Variants in NRXN2 observed in about 807,000 individuals in gnomAD.
NRXN2 encodes the protein neurexin-2-beta.
In NRXN2, 29 loss-of-function variants were observed where a neutral mutation model predicts 128.8. The observed-to-expected ratio is 0.23, with a 90% CI of 0.17 to 0.31. The LOEUF (loss-of-function observed/expected upper bound fraction) is 0.31, where lower values mean the gene tolerates loss of function less well. Ranked by LOEUF, NRXN2 falls within the 10% of genes least tolerant of loss-of-function variation. The pLI is 1.00. For missense variants in NRXN2, 1,881 were observed against 2,452.6 expected (o/e 0.77, Z 4.92); for synonymous variants, 1,098 against 1,075.2 (o/e 1.02, Z -0.41).
rs1203207509 is a variant in NRXN2, at chr11:64,635,073, G to A, written c.3585+198C>T. Among the ~76,000 whole-genome samples the A allele has an allele frequency of 6.6e-6, 1 of 152,202 alleles. No homozygotes were observed. Among genetic ancestry groups the A allele is most frequent in the African/African-American group, 2.4e-5 (1 of 41,444 alleles). On this transcript the variant is annotated intron_variant, in intron 18 of 22. Transcript: ENST00000265459. This position sits in a 1 kb window ranked among gnomAD's most constrained non-coding sequence, Gnocchi z 4.8. ...ATCAGATGGGAGGGTGGATCTGGGA[G>A]TCTTGGTGAATAACTGAGAGAGGGA...
At chr11:64,626,262 T>G (rs144211078) in intron 20 of NRXN2, among the ~76,000 whole-genome samples, 1 of 151,860 alleles carries the variant, frequency 6.6e-6, no homozygotes, top group East Asian at 1.9e-4. Flanking sequence ...AAAACCCCAC[T>G]CCTACCCCAA....
chr11:64,688,444 T>G (rs1407725269), intron 5 of NRXN2: 1 of 984,738 alleles, frequency 1.0e-6, no homozygotes, highest in Non-Finnish European at 1.2e-6. Context: ...AGAACCTGAG[T>G]AGGGGAGGTC....
At chr11:64,659,174 A>G (rs1054329323) in intron 11 of NRXN2, among the ~76,000 whole-genome samples, 2 of 152,164 alleles carry the variant, frequency 1.3e-5, no homozygotes, top group Admixed American at 6.5e-5. Context: ...CTACACCTTT[A>G]TAAGCTTCTA....
intron 19 of NRXN2, among the ~76,000 whole-genome samples, chr11:64,629,795 T>C (rs1042015672): frequency 1.3e-5 from 2 of 152,188 alleles, no homozygotes; most frequent in African/African-American, 4.8e-5. Flanking sequence ...TTGTCACTTG[T>C]CTCTTCCTCC....
At chr11:64,695,064 A>T (rs1394715189) in intron 3 of NRXN2, among the ~76,000 whole-genome samples, 1 of 152,146 alleles carries the variant, frequency 6.6e-6, no homozygotes, top group Non-Finnish European at 1.5e-5. Flanking sequence ...ATCTTGGTGA[A>T]GGGGAGGCTG....
At chr11:64,689,406 A>G (rs1260468415) in intron 5 of NRXN2, among the ~76,000 whole-genome samples, 1 of 152,066 alleles carries the variant, frequency 6.6e-6, no homozygotes, top group Non-Finnish European at 1.5e-5. Flanking sequence ...AAGAGTCTGC[A>G]CTTTTCATGT....
intron 2 of NRXN2, among the ~76,000 whole-genome samples, chr11:64,701,347 C>T (rs2055325330): frequency 6.6e-6 from 1 of 152,228 alleles, no homozygotes; most frequent in Admixed American, 6.5e-5. Flanking sequence ...CAACTTCTTC[C>T]TGTTTCTATA....
At chr11:64,680,340 C>T (rs191037801) in intron 6 of NRXN2, among the ~76,000 whole-genome samples, 1 of 152,322 alleles carries the variant, frequency 6.6e-6, no homozygotes, top group African/African-American at 2.4e-5. Context: ...GAGGAACCCA[C>T]TCCACTTGCA....
chr11:64,653,651 C>G (rs371940699), intron 12 of NRXN2, 45 bp downstream of exon 12: 1 of 1,567,742 alleles, frequency 6.4e-7, no homozygotes, highest in African/African-American at 1.3e-5. Context: ...CGTCCAGCAT[C>G]CCAGTCCCCT....
intron 9 of NRXN2, among the ~76,000 whole-genome samples, chr11:64,665,208 G>T (rs1243605603): frequency 6.6e-6 from 1 of 151,530 alleles, no homozygotes; most frequent in Non-Finnish European, 1.5e-5. Flanking sequence ...TTGAACCCGG[G>T]AGGCAAAGGT....
rs775752006 is a variant in NRXN2, at chr11:64,651,379, C to T, written c.2794G>A (p.Ala932Thr). 36 of 1,614,032 alleles carry T rather than the reference C, an allele frequency of 2.2e-5. No individual in the cohort carries two copies. The highest frequency in any genetic ancestry group is 5.3e-5 in the African/African-American group (4 of 74,922). ...FKSRSSYLAL[A>T]TLQAYASMHL... ...ATGGAAGCATAGGCTTGGAGCGTGGCGAGTGCCAGGTAGCTGCTGCGACTC... is the reference window on the plus strand; with the variant it reads ...ATGGAAGCATAGGCTTGGAGCGTGGTGAGTGCCAGGTAGCTGCTGCGACTC... Residue 932 changes from alanine (A) to threonine (T), a missense_variant, in exon 14 of 23, where the codon GCC becomes ACC. Physicochemically the swap from Ala to Thr is moderately conservative, Grantham distance 58 (BLOSUM62 0). Around this residue, in one of 7 missense-constraint regions of NRXN2, gnomAD observed 390 missense variants for 599.6 expected, o/e 0.65. Coordinates refer to ENST00000265459, the MANE Select transcript of NRXN2 (RefSeq NM_015080.4). This position sits in a 1 kb window ranked among gnomAD's most constrained non-coding sequence, Gnocchi z 5.9.
rs1355455298 is a variant in NRXN2 at position 64,690,442 on chromosome 11, C to T, written c.813G>A (p.Gly271=). 1.7e-5 allele frequency: 27 copies of T among 1,613,460 alleles called. No individual in the cohort carries two copies. The highest frequency in any genetic ancestry group is 4.0e-5 in the African/African-American group (3 of 74,874). Residue 271 remains glycine (G), a synonymous_variant, in exon 5 of 23, where the codon GGG becomes GGA. Coordinates refer to ENST00000265459, the MANE Select transcript of NRXN2 (RefSeq NM_015080.4). ...GSLLFSEGGA[G]RGGAGDVHQP... is the part of the protein sequence containing the mutation. The stretch of plus-strand genomic sequence containing the variant: ...GGTGCACATCGCCGGCTCCTCCTCT[C>T]CCGGCCCCCCCCTCGGAGAACAGTA...
At chr11:64,649,561 T>G (rs997934397) in intron 15 of NRXN2, among the ~76,000 whole-genome samples, 2 of 151,936 alleles carry the variant, frequency 1.3e-5, no homozygotes, top group African/African-American at 4.8e-5. Context: ...ACCCCCGGGG[T>G]TTGGGGCCAC....
Position 64,667,297 on chromosome 11 carries a change from T to A in NRXN2, c.1751A>T (p.Asn584Ile). ...IKLRASSRKVNDGEWCHVDFQ... is the reference protein window; with the variant it reads ...IKLRASSRKVIDGEWCHVDFQ... ...GTCCACGTGACACCACTCGCCATCA[T>A]TGACCTTGCGGCTGGATGCCCGCAG... Residue 584 changes from asparagine (N) to isoleucine (I), a missense_variant, in exon 9 of 23, where the codon AAT (asparagine) becomes ATT (isoleucine). This residue lies in a region of NRXN2 where 997 missense variants were observed against 1,240.8 expected (regional missense o/e 0.80). Coordinates refer to ENST00000265459, the MANE Select transcript of NRXN2 (RefSeq NM_015080.4). The surrounding 1 kb of genome is among the most constrained non-coding windows in gnomAD (Gnocchi z 5.6). 3 of 1,614,254 alleles carry A rather than the reference T, an allele frequency of 1.9e-6. No homozygotes were observed. Among genetic ancestry groups the A allele is most frequent in the African/African-American group, 1.3e-5 (1 of 75,062 alleles).
In NRXN2 at chr11:64,630,510, T is replaced by G; in HGVS notation, c.3649A>C (p.Asn1217His). 1.2e-6 allele frequency: 2 copies of G among 1,614,118 alleles called. No homozygotes were observed. Among genetic ancestry groups the G allele is most frequent in the Non-Finnish European group, 8.5e-7 (1 of 1,180,032 alleles). The part of the protein sequence containing the change: ...GTDDITIDEP[N>H]AIVSDGKYHV... ...TATTTGCCGTCGCTTACTATGGCGT[T>G]GGGCTCGTCGATGGTAATGTCGTCC... The change falls in exon 19 of 23, where the codon AAC becomes CAC. Residue 1217 changes from asparagine (N) to histidine (H), a missense_variant. Asn to His is a moderately conservative substitution (Grantham distance 68). Coordinates refer to ENST00000265459, the MANE Select transcript of NRXN2 (RefSeq NM_015080.4). This position sits in a 1 kb window ranked among gnomAD's most constrained non-coding sequence, Gnocchi z 4.6.
Position 64,651,467 on chromosome 11 carries a change from G to C in NRXN2, c.2706C>G (p.Thr902=). 6.2e-7 allele frequency: 1 copy of C among 1,614,196 alleles called. No homozygotes were observed. The highest frequency in any genetic ancestry group is 8.5e-7 in the Non-Finnish European group (1 of 1,180,026). Reference sequence around the variant, plus strand: ...CAAAGCGAGCATTGAGCTCACAGTAGGTGATGTCACCATCCTTGCACTGGT... The same window carrying C: ...CAAAGCGAGCATTGAGCTCACAGTACGTGATGTCACCATCCTTGCACTGGT... The part of the protein sequence containing the change: ...YMDQCKDGDI[T]YCELNARFGL... Residue 902 remains threonine (T), a synonymous_variant, in exon 14 of 23, where the codon ACC becomes ACG. Coordinates refer to ENST00000265459, the MANE Select transcript of NRXN2 (RefSeq NM_015080.4). This position sits in a 1 kb window ranked among gnomAD's most constrained non-coding sequence, Gnocchi z 5.9.
rs554549838 is a variant in NRXN2, at chr11:64,689,800, G to A, written c.850+605C>T. ...TCATTGGGGAGAGGACAAGGATGGCGGAAATCCAGGCAAACAGAAGAGCAG... is the reference window on the plus strand; with the variant it reads ...TCATTGGGGAGAGGACAAGGATGGCAGAAATCCAGGCAAACAGAAGAGCAG... On this transcript the variant is annotated intron_variant, in intron 5 of 22. Transcript: ENST00000265459. 6.6e-5 allele frequency among the ~76,000 whole-genome samples: 10 copies of A among 152,270 alleles called. No individual in the cohort carries two copies. In the East Asian group the frequency reaches 1.4e-3, roughly 21 times the overall value.
Position 64,642,198 on chromosome 11 carries a change from G to A in NRXN2, c.3403+6021C>T, listed in dbSNP as rs574505780. ...ATGCGCAAGAGAAATGGAAGGCAGA[G>A]CTGCACGGAGAGGATGAAAGGACAG... is the stretch of plus-strand genomic sequence containing the variant. On this transcript the variant is annotated intron_variant, in intron 17 of 22. Transcript: ENST00000265459. Among the ~76,000 whole-genome samples, 4 of 152,166 alleles carry A rather than the reference G, an allele frequency of 2.6e-5. No homozygotes were observed. The South Asian group carries it at 8.3e-4, about 32-fold the overall frequency.
chr11:64,641,600 T>C (rs2045674222), intron 17 of NRXN2, among the ~76,000 whole-genome samples: 3 of 150,772 alleles, frequency 2.0e-5, no homozygotes, highest in Admixed American at 2.0e-4. Context: ...ATGCAGAGAA[T>C]CTTAGGGGTC....
Sources: allele counts gnomAD v4.1 joint callset (sites outside exome capture counted in the v4.1 genomes callset), GRCh38; gene constraint gnomAD v4.1.1; regional missense constraint gnomAD v4.1.1; non-coding constraint Gnocchi (gnomAD v3.1); transcripts MANE v1.5; gene names NCBI Gene and HGNC (gene_info 2026-07-23, HGNC 2026-07-21).